SMPDL3B: variants seen among roughly 807,000 people sequenced by gnomAD.
SMPDL3B encodes the protein acid sphingomyelinase-like phosphodiesterase 3b.
In SMPDL3B, 31 loss-of-function variants were observed where a neutral mutation model predicts 37.9. The observed-to-expected ratio is 0.82, with a 90% CI of 0.61 to 1.10. SMPDL3B has a LOEUF of 1.10. Among genes scored for constraint, SMPDL3B ranks in the 50% least tolerant of loss-of-function variants. SMPDL3B has a pLI of 0.00. For missense variants in SMPDL3B, 525 were observed against 597.8 expected (o/e 0.88, Z 1.27); for synonymous variants, 235 against 242.6 (o/e 0.97, Z 0.29).
chr1:27,937,155 T>C (rs2090317073), intron 1 of SMPDL3B, among the ~76,000 whole-genome samples: 2 of 152,242 alleles, frequency 1.3e-5, no homozygotes, highest in African/African-American at 4.8e-5. Context: ...CATCCCTGCT[T>C]TGCATTAAAC....
intron 4 of SMPDL3B, 65 bp downstream of exon 4, chr1:27,953,423 A>C: frequency 3.7e-6 from 5 of 1,364,478 alleles, no homozygotes; most frequent in Non-Finnish European, 5.1e-6. Flanking sequence ...CTTCGTCTTC[A>C]CAACAACCTC....
rs189758244 is a variant in SMPDL3B, at chr1:27,958,301, C to T, written c.1006-175C>T. The stretch of plus-strand genomic sequence containing the variant: ...GAAACCTAGGTAATAAGCGCAGTTA[C>T]CTCATTCGATTCAGAGGATGTCTGC... On this transcript the variant is annotated intron_variant, in intron 7 of 7. Transcript: ENST00000373894. This position sits in a 1 kb window ranked among gnomAD's most constrained non-coding sequence, Gnocchi z 5.6. 2.5e-4 allele frequency among the ~76,000 whole-genome samples: 38 copies of T among 152,292 alleles called. No homozygotes were observed. Among genetic ancestry groups the T allele is most frequent in the Admixed American group, 1.8e-3 (27 of 15,302 alleles).
chr1:27,956,141 C>A, intron 7 of SMPDL3B, 59 bp downstream of exon 7: 1 of 1,613,832 alleles, frequency 6.2e-7, no homozygotes. Context: ...TGCATCACCA[C>A]CTTCCCTCAC....
At chr1:27,939,390 G>T (rs1021909732) in intron 1 of SMPDL3B, among the ~76,000 whole-genome samples, 1 of 151,918 alleles carries the variant, frequency 6.6e-6, no homozygotes, top group Non-Finnish European at 1.5e-5. Flanking sequence ...TCTATCTGTT[G>T]CTCAGGCTGG....
chr1:27,942,103 A>G lies in SMPDL3B; in HGVS notation c.62-3129A>G, dbSNP rs531684139. 1.7e-3 allele frequency among the ~76,000 whole-genome samples: 252 copies of G among 152,322 alleles called. 2 individuals carry two copies. Among genetic ancestry groups the G allele is most frequent in the South Asian group, 0.016 (78 of 4,832 alleles). ...GGCTGGAAAGTAGTTTCAGTTCTACACACTGGCTGGAAAACGACAACTGAC... is the reference window on the plus strand; with the variant it reads ...GGCTGGAAAGTAGTTTCAGTTCTACGCACTGGCTGGAAAACGACAACTGAC... On this transcript the variant is annotated intron_variant, in intron 1 of 7. Transcript: ENST00000373894.
chr1:27,942,758 G>A (rs1428965013), intron 1 of SMPDL3B, among the ~76,000 whole-genome samples: 1 of 152,098 alleles, frequency 6.6e-6, no homozygotes, highest in Non-Finnish European at 1.5e-5. Context: ...CCGCCTCCTG[G>A]GTTCAAGCAA....
Position 27,955,996 on chromosome 1 carries a change from A to G in SMPDL3B, c.919A>G (p.Lys307Glu). 1 of 1,614,092 alleles carries G rather than the reference A, an allele frequency of 6.2e-7. No individual in the cohort carries two copies. The highest frequency in any genetic ancestry group is 1.1e-5 in the South Asian group (1 of 91,070). ...MFITPGVTPW[K>E]TTLPGVVNGA... ...CATCACACCTGGAGTCACCCCATGG[A>G]AAACCACATTACCTGGAGTGGTCAA... Residue 307 changes from lysine to glutamate, a missense_variant, in exon 7 of 8, where the codon AAA becomes GAA. Physicochemically the swap from Lys to Glu is moderately conservative, Grantham distance 56. Coordinates refer to ENST00000373894, the MANE Select transcript of SMPDL3B (RefSeq NM_014474.4).
Position 27,935,181 on chromosome 1 carries a change from A to T in SMPDL3B, c.-3A>T. 1 of 1,613,310 alleles carries T rather than the reference A, an allele frequency of 6.2e-7. No individual in the cohort carries two copies. Among genetic ancestry groups the T allele is most frequent in the East Asian group, 2.2e-5 (1 of 44,886 alleles). Reference sequence around the variant, plus strand: ...CACGGCTCTGGGGAAGTGAGCCCCGAGGATGAGGCTGCTCGCCTGGCTGAT... The same window carrying T: ...CACGGCTCTGGGGAAGTGAGCCCCGTGGATGAGGCTGCTCGCCTGGCTGAT... On this transcript the variant is annotated 5_prime_UTR_variant, in exon 1 of 8. Transcript: ENST00000373894.
chr1:27,941,553 A>T (rs2148673914), intron 1 of SMPDL3B: 1 of 152,434 alleles, frequency 6.6e-6, no homozygotes, highest in Admixed American at 6.5e-5. Context: ...AACAGGGAAG[A>T]TGGACAATAA....
At chr1:27,948,144 C>T (rs1169637014) in intron 2 of SMPDL3B, among the ~76,000 whole-genome samples, 1 of 152,024 alleles carries the variant, frequency 6.6e-6, no homozygotes, top group Non-Finnish European at 1.5e-5. Context: ...ATTTTTCCCC[C>T]GTGTCTCTGG....
At chr1:27,956,427 C>T (rs1638282454) in intron 7 of SMPDL3B, 2 of 1,276,096 alleles carry the variant, frequency 1.6e-6, no homozygotes, top group African/African-American at 3.0e-5. Flanking sequence ...GCTCAAAAAC[C>T]TTCAGTGGCT....
chr1:27,954,286 G>A (rs1316428031), intron 4 of SMPDL3B, 68 bp from the exon 5 acceptor site: 2 of 1,429,746 alleles, frequency 1.4e-6, no homozygotes, highest in Admixed American at 2.1e-5. Flanking sequence ...GGACATTGAG[G>A]TGGAAGGGGC....
chr1:27,935,136 A>G lies in SMPDL3B; in HGVS notation c.-48A>G. The G allele has an allele frequency of 6.8e-7, 1 of 1,478,348 alleles. No individual in the cohort carries two copies. Among genetic ancestry groups the G allele is most frequent in the Non-Finnish European group, 9.4e-7 (1 of 1,066,662 alleles). 91.6% of individuals were successfully genotyped at this position (1,478,348 alleles called of 1,614,324 possible). A position where few individuals can be genotyped will look rare whatever the true frequency, so the allele number is the denominator to read the frequency against. On this transcript the variant is annotated 5_prime_UTR_variant, in exon 1 of 8. Coordinates refer to ENST00000373894, the MANE Select transcript of SMPDL3B (RefSeq NM_014474.4). ...ACTTAGGAAGCCTGTGGTGAGAACAACAACAGTGCCTGAGAATCCCACGGC... is the reference window on the plus strand; with the variant it reads ...ACTTAGGAAGCCTGTGGTGAGAACAGCAACAGTGCCTGAGAATCCCACGGC...
chr1:27,944,101 T>A (rs1428795414), intron 1 of SMPDL3B, among the ~76,000 whole-genome samples: 2 of 151,970 alleles, frequency 1.3e-5, no homozygotes, highest in Non-Finnish European at 2.9e-5. Flanking sequence ...TTTCTTTGGA[T>A]TCCTTTCTCT....
Position 27,958,852 on chromosome 1 carries a change from CCTT to C in SMPDL3B, c.*19_*21del, listed in dbSNP as rs1638387172. ...CTCGTGCTGTGACCTGCCAGGCTCACCTTCTTCCTGGTAACGGGTAACGGGGGC... is the reference window on the plus strand; with the variant it reads ...CTCGTGCTGTGACCTGCCAGGCTCACCTTCCTGGTAACGGGTAACGGGGGC... On this transcript the variant is annotated 3_prime_UTR_variant, in exon 8 of 8. Transcript: ENST00000373894. This position sits in a 1 kb window ranked among gnomAD's most constrained non-coding sequence, Gnocchi z 5.6. The C allele has an allele frequency of 4.5e-6, 7 of 1,561,936 alleles. No homozygotes were observed. Among genetic ancestry groups the C allele is most frequent in the South Asian group, 1.1e-5 (1 of 87,102 alleles).
chr1:27,958,487 C>G lies in SMPDL3B; in HGVS notation c.1017C>G (p.Thr339=). The change falls in exon 8 of 8, where the codon ACC becomes ACG. Residue 339 remains threonine, a synonymous_variant. Transcript: ENST00000373894. This position sits in a 1 kb window ranked among gnomAD's most constrained non-coding sequence, Gnocchi z 5.6. The part of the protein sequence containing the change: ...RATLSLKDMV[T]YFMNLSQANA... ...AACCCTTTTTCCAGGACATGGTGAC[C>G]TACTTCATGAACCTGAGCCAGGCGA... The G allele has an allele frequency of 6.2e-7, 1 of 1,601,306 alleles. No homozygotes were observed. The highest frequency in any genetic ancestry group is 8.5e-7 in the Non-Finnish European group (1 of 1,169,662).
Position 27,945,498 on chromosome 1 carries a change from A to G in SMPDL3B, c.275+53A>G. 2.1e-6 allele frequency: 3 copies of G among 1,427,846 alleles called. No individual in the cohort carries two copies. The highest frequency in any genetic ancestry group is 3.0e-6 in the Non-Finnish European group (3 of 1,015,394). The allele number at this position is 1,427,846 out of a possible 1,614,324, so 88.4% of individuals were successfully genotyped here. On this transcript the variant is annotated intron_variant, in intron 2 of 7. Coordinates refer to ENST00000373894, the MANE Select transcript of SMPDL3B (RefSeq NM_014474.4). The surrounding 1 kb of genome is among the most constrained non-coding windows in gnomAD (Gnocchi z 4.0). ...CTTTGCCAGGCATCTGCTATGTGCTACATACCAGTCTGGCCCTTTGCCCAC... is the reference window on the plus strand; with the variant it reads ...CTTTGCCAGGCATCTGCTATGTGCTGCATACCAGTCTGGCCCTTTGCCCAC...
rs759246841 is a variant in SMPDL3B, at chr1:27,958,793, G to C, written c.1323G>C (p.Pro441=). ...ASGTTPVPQL[P]LLLMALLGLC... The stretch of plus-strand genomic sequence containing the variant: ...GCACCACGCCCGTGCCCCAGCTCCC[G>C]CTGCTGCTGATGGCCCTGCTGGGCC... The change falls in exon 8 of 8, where the codon CCG becomes CCC. Residue 441 remains proline (P), a synonymous_variant. Coordinates refer to ENST00000373894, the MANE Select transcript of SMPDL3B (RefSeq NM_014474.4). The surrounding 1 kb of genome is among the most constrained non-coding windows in gnomAD (Gnocchi z 5.6). 3.7e-6 allele frequency: 6 copies of C among 1,607,300 alleles called. No homozygotes were observed.
Position 27,945,839 on chromosome 1 carries a change from G to A in SMPDL3B, c.275+394G>A, listed in dbSNP as rs1173381289. Among the ~76,000 whole-genome samples the A allele has an allele frequency of 6.6e-6, 1 of 152,172 alleles. No homozygotes were observed. The highest frequency in any genetic ancestry group is 2.4e-5 in the African/African-American group (1 of 41,440). On this transcript the variant is annotated intron_variant, in intron 2 of 7. Transcript: ENST00000373894. The surrounding 1 kb of genome is among the most constrained non-coding windows in gnomAD (Gnocchi z 4.0). ...GAGGGAAGAAGTTATGAGGGCTGAA[G>A]GTGGCCCAGCCTGGGGTCCTAGTGT...
Sources: gnomAD v4.1 joint callset for allele counts (sites outside exome capture counted in the v4.1 genomes callset) on GRCh38, gnomAD v4.1.1 for gene constraint, Gnocchi (gnomAD v3.1) non-coding constraint, MANE v1.5 for transcripts, NCBI Gene and HGNC (gene_info 2026-07-23, HGNC 2026-07-21) for gene names.